Variants in NGLY1 observed in about 807,000 individuals in gnomAD.
NGLY1 encodes peptide-N(4)-(N-acetyl-beta-glucosaminyl)asparagine amidase.
In NGLY1, 68 loss-of-function variants were observed where a neutral mutation model predicts 84.6. The observed-to-expected ratio is 0.80, with a 90% CI of 0.66 to 0.98. The LOEUF is 0.98. NGLY1 is among the 50% of genes least tolerant of loss of function. NGLY1 has a pLI of 0.00. For missense variants in NGLY1, 779 were observed against 770.2 expected, an observed-to-expected ratio of 1.01 and a Z score of -0.14; for synonymous variants, 280 against 275.2, an observed-to-expected ratio of 1.02 and a Z score of -0.17.
chr3:25,783,510 G>A (rs1290940051), upstream of NGLY1: 1 of 990,210 alleles, frequency 1.0e-6, no homozygotes, highest in Non-Finnish European at 1.2e-6. This position sits in a 1 kb window ranked among gnomAD's most constrained non-coding sequence, Gnocchi z 4.5. Flanking sequence ...CGGCCGGCAG[G>A]GGCGGGGTCC....
intron 2 of NGLY1, among the ~76,000 whole-genome samples, chr3:25,777,135 C>G (rs950032928): frequency 6.6e-6 from 1 of 152,210 alleles, no homozygotes; most frequent in Admixed American, 6.5e-5. Context: ...GCGGCTCACG[C>G]CTGTAATCCC....
chr3:25,748,143 C>T (rs1706535439), intron 4 of NGLY1, among the ~76,000 whole-genome samples: 2 of 152,142 alleles, frequency 1.3e-5, no homozygotes, highest in South Asian at 4.1e-4. Context: ...CCTGTCTCAC[C>T]TATGGGGGTA....
At chr3:25,773,551 C>CT (rs1461018606) in intron 2 of NGLY1, among the ~76,000 whole-genome samples, 2 of 151,882 alleles carry the variant, frequency 1.3e-5, no homozygotes, top group African/African-American at 2.4e-5. Context: ...CTTTAAATTT[C>CT]TTTAAGTTCT....
chr3:25,783,531 G>T (rs1245956787), upstream of NGLY1: 3 of 527,850 alleles, frequency 5.7e-6, no homozygotes, highest in African/African-American at 5.9e-5. This position sits in a 1 kb window ranked among gnomAD's most constrained non-coding sequence, Gnocchi z 4.5. Flanking sequence ...TCGGCCGGCA[G>T]GGGCGGGGTC....
rs564828400 is a variant in NGLY1 at position 25,764,192 on chromosome 3, T to G, written c.366A>C (p.Val122=). Residue 122 remains valine, a synonymous_variant, in exon 3 of 12, where the codon GTA becomes GTC. Transcript: ENST00000280700. ...TGGCTGCAGGTTGCTGAGATGACTT[T>G]ACTTTGTGGCTCTTATTTGAGCCAT... ...RLDGSNKSHK[V]KSSQQPAAST... is the part of the protein sequence containing the mutation. 8.1e-6 allele frequency: 13 copies of G among 1,614,198 alleles called. No homozygotes were observed. The South Asian group carries it at 1.2e-4, about 15-fold the overall frequency.
intron 1 of NGLY1, among the ~76,000 whole-genome samples, chr3:25,780,188 G>A (rs1708345666): frequency 6.6e-6 from 1 of 152,152 alleles, no homozygotes; most frequent in Non-Finnish European, 1.5e-5. Flanking sequence ...TTTATTCTGT[G>A]TATTAGATTA....
Position 25,783,377 on chromosome 3 carries a change from G to A in NGLY1, c.14C>T (p.Ala5Val), listed in dbSNP as rs779267801. The A allele has an allele frequency of 1.4e-5, 22 of 1,541,946 alleles. No homozygotes were observed. Among genetic ancestry groups the A allele is most frequent in the East Asian group, 2.6e-5 (1 of 39,116 alleles). Residue 5 changes from alanine to valine, a missense_variant, in exon 1 of 12, where the codon GCA (alanine) becomes GTA (valine). Physicochemically the swap from Ala to Val is moderately conservative, Grantham distance 64. Transcript: ENST00000280700. The surrounding 1 kb of genome is among the most constrained non-coding windows in gnomAD (Gnocchi z 4.5). ...CGCCGAGCCTGAGGAGCTGCCCAAT[G>A]CCGCCGCCGCCATGCTTGAGCGCCA... MAAA[A>V]LGSSSGSASP...
intron 10 of NGLY1, among the ~76,000 whole-genome samples, chr3:25,722,926 G>C (rs775941074): frequency 1.9e-4 from 29 of 152,188 alleles, no homozygotes; most frequent in Non-Finnish European, 3.8e-4. Context: ...AAACAGAGAG[G>C]TTACTGGAAG....
rs1277695520 is a variant in NGLY1 at position 25,718,999 on chromosome 3, A to C, written c.*461T>G. On this transcript the variant is annotated 3_prime_UTR_variant, in exon 12 of 12. Transcript: ENST00000280700. The stretch of plus-strand genomic sequence containing the variant: ...ATGCCTGAATATTTATAATCATATA[A>C]ATTTTCATGCATTATATAATTTATG... 1 of 152,236 alleles carries C rather than the reference A, an allele frequency of 6.6e-6. No individual in the cohort carries two copies. The highest frequency in any genetic ancestry group is 2.4e-5 in the African/African-American group (1 of 41,448). The allele number at this position is 152,236 out of a possible 1,614,324, so 9.4% of individuals were successfully genotyped here. A position where few individuals can be genotyped will look rare whatever the true frequency, so the allele number is the denominator to read the frequency against.
chr3:25,789,780 T>A lies in NGLY1; in HGVS notation c.5+81A>T. On this transcript the variant is annotated intron_variant, in intron 1 of 11. Transcript: ENST00000417874. ...TTACAATTCCAGTAGAATACGATGG[T>A]GTCCCTTCTCCGACAAAAGGGAATA... 4.2e-6 allele frequency: 6 copies of A among 1,416,122 alleles called. No individual in the cohort carries two copies. The South Asian group carries it at 7.4e-5, about 17-fold the overall frequency. 87.7% of individuals were successfully genotyped at this position (1,416,122 alleles called of 1,614,324 possible).
At chr3:25,760,717 A>G (rs1437478230) in intron 3 of NGLY1, among the ~76,000 whole-genome samples, 1 of 151,980 alleles carries the variant, frequency 6.6e-6, no homozygotes, top group African/African-American at 2.4e-5. Flanking sequence ...AAAACTAGCC[A>G]GACGTGGTGG....
chr3:25,782,852 A>G (rs1708480630), intron 1 of NGLY1: 2 of 182,206 alleles, frequency 1.1e-5, no homozygotes, highest in South Asian at 1.9e-4. Flanking sequence ...ACTCCGCTCG[A>G]AAAATGCACG....
In NGLY1 at chr3:25,719,610, A is replaced by G. The variant is rs1040124854; in HGVS notation, c.1815T>C (p.Asp605=). The G allele has an allele frequency of 6.2e-7, 1 of 1,613,838 alleles. No individual in the cohort carries two copies. The highest frequency in any genetic ancestry group is 8.5e-7 in the Non-Finnish European group (1 of 1,179,892). The change falls in exon 12 of 12, where the codon GAT becomes GAC. Residue 605 remains aspartate (D), a synonymous_variant. Transcript: ENST00000280700. ...AAATAACTTCAGTGGCACCAGAAAA[A>G]TCAGCATAGGAGTGAAGACTGTTAT... ...TGDNSLHSYA[D]FSGATEVILE...
At chr3:25,789,900 C>A (rs1708685751) in exon 1 of NGLY1, 11 of 1,551,658 alleles carry the variant, frequency 7.1e-6, no homozygotes, top group Non-Finnish European at 8.7e-6. Flanking sequence ...ATCGGCGAGT[C>A]ACTGAGGTTC....
At chr3:25,777,847 A>C (rs892792488) in intron 2 of NGLY1, 1 of 152,202 alleles carries the variant, frequency 6.6e-6, no homozygotes, top group Non-Finnish European at 1.5e-5. Flanking sequence ...GAACCTGGGG[A>C]GGGAAGCAGA....
intron 1 of NGLY1, among the ~76,000 whole-genome samples, chr3:25,778,923 T>C (rs890493493): frequency 1.2e-4 from 12 of 102,780 alleles, no homozygotes; most frequent in South Asian, 3.3e-4. Context: ...TTAAGATACA[T>C]TCTTTTTTTT....
At chr3:25,721,966 C>T (rs1375522347) in intron 10 of NGLY1, among the ~76,000 whole-genome samples, 6 of 151,778 alleles carry the variant, frequency 4.0e-5, no homozygotes, top group African/African-American at 1.4e-4. Flanking sequence ...ACCGGTAATC[C>T]CAGCACTTTG....
intron 2 of NGLY1, among the ~76,000 whole-genome samples, chr3:25,774,292 CAAG>C (rs1304440499): frequency 1.3e-5 from 2 of 152,184 alleles, no homozygotes; most frequent in East Asian, 1.9e-4. Flanking sequence ...GCAGTAGTAT[CAAG>C]AAGATGTAAG....
intron 4 of NGLY1, among the ~76,000 whole-genome samples, chr3:25,742,884 C>CA (rs34669504): frequency 0.012 from 735 of 63,246 alleles, 34 homozygotes; most frequent in African/African-American, 0.024. Flanking sequence ...CCTTATGTGG[C>CA]AAAAAAAAAA....
Sources: gnomAD v4.1 joint callset for allele counts (sites outside exome capture counted in the v4.1 genomes callset) on GRCh38, gnomAD v4.1.1 for gene constraint, Gnocchi (gnomAD v3.1) non-coding constraint, MANE v1.5 for transcripts, NCBI Gene and HGNC (gene_info 2026-07-23, HGNC 2026-07-21) for gene names.